The following SCD5 variants were observed in gnomAD, a reference collection of about 807,000 sequenced individuals.
The protein encoded by SCD5 is stearoyl-CoA desaturase 5, also known as acyl-CoA-desaturase 4.
In SCD5, 20 loss-of-function variants were observed where a neutral mutation model predicts 30.4. The observed-to-expected ratio is 0.66, with a 90% confidence interval of 0.46 to 0.96. The LOEUF is 0.96. Among genes scored for constraint, SCD5 ranks in the 40% least tolerant of loss-of-function variants. SCD5 has a pLI of 0.00. For synonymous variants in SCD5, 173 were observed against 176.4 expected (o/e 0.98, Z 0.16); for missense variants, 381 against 443.3 (o/e 0.86, Z 1.26).
In SCD5 at chr4:82,761,709, T is replaced by C. The variant is rs1051238044; in HGVS notation, c.232+36597A>G. Among the ~76,000 whole-genome samples the C allele has an allele frequency of 9.3e-5, 14 of 151,162 alleles. No individual in the cohort carries two copies. The East Asian group carries it at 2.1e-3, about 23-fold the overall frequency. ...CTCGTCATCTAGCATTAGGTATATC[T>C]CCCGATGCTATCCCTCCCCCCTCTC... On this transcript the variant is annotated intron_variant, in intron 1 of 4. Coordinates refer to ENST00000319540, the MANE Select transcript of SCD5 (RefSeq NM_001037582.3).
intron 1 of SCD5, among the ~76,000 whole-genome samples, chr4:82,720,005 T>C (rs945018240): frequency 6.6e-6 from 1 of 150,752 alleles, no homozygotes; most frequent in Non-Finnish European, 1.5e-5. Flanking sequence ...TTTCACCAGG[T>C]TGGCCAGGCT....
At chr4:82,650,205 A>T (rs947045571) in intron 3 of SCD5, among the ~76,000 whole-genome samples, 1 of 152,198 alleles carries the variant, frequency 6.6e-6, no homozygotes, top group African/African-American at 2.4e-5. Flanking sequence ...GTAAATAGAA[A>T]GATGAATAGG....
At chr4:82,727,165 T>C (rs1318674701) in intron 1 of SCD5, among the ~76,000 whole-genome samples, 1 of 152,202 alleles carries the variant, frequency 6.6e-6, no homozygotes, top group Non-Finnish European at 1.5e-5. Context: ...CAGGTTCAAA[T>C]GAAACCCTAA....
intron 1 of SCD5, among the ~76,000 whole-genome samples, chr4:82,754,495 A>G (rs1041607901): frequency 1.3e-4 from 20 of 151,514 alleles, no homozygotes; most frequent in Non-Finnish European, 2.7e-4. Flanking sequence ...AGGGAGAGGG[A>G]CTCCTTCCAG....
At chr4:82,635,870 G>A (rs998284597) in intron 4 of SCD5, among the ~76,000 whole-genome samples, 3 of 152,136 alleles carry the variant, frequency 2.0e-5, no homozygotes, top group African/African-American at 2.4e-5. Flanking sequence ...TCATGGTCCC[G>A]TGAAATGCCA....
intron 1 of SCD5, among the ~76,000 whole-genome samples, chr4:82,791,936 C>G (rs1722105977): frequency 6.6e-6 from 1 of 152,134 alleles, no homozygotes; most frequent in South Asian, 2.1e-4. Context: ...AATATTATAG[C>G]AAGGTCATGA....
chr4:82,667,192 G>C (rs1462652429), intron 3 of SCD5, among the ~76,000 whole-genome samples: 1 of 152,080 alleles, frequency 6.6e-6, no homozygotes. Flanking sequence ...CTTGCCAGGG[G>C]AATTTCTTGC....
intron 1 of SCD5, among the ~76,000 whole-genome samples, chr4:82,793,368 C>T (rs181086414): frequency 1.3e-5 from 2 of 151,918 alleles, no homozygotes; most frequent in African/African-American, 2.4e-5. Context: ...ATCCCAGCTA[C>T]AAAACAATGA....
intron 1 of SCD5, among the ~76,000 whole-genome samples, chr4:82,745,524 A>G (rs1313155605): frequency 6.6e-6 from 1 of 152,232 alleles, no homozygotes; most frequent in Non-Finnish European, 1.5e-5. Context: ...CCCGACTTTA[A>G]GTTCAGGGGT....
chr4:82,729,984 T>G (rs1241974155), intron 1 of SCD5, among the ~76,000 whole-genome samples: 1 of 152,046 alleles, frequency 6.6e-6, no homozygotes, highest in East Asian at 1.9e-4. Context: ...TTGTCATCTC[T>G]CTAAAACTTT....
intron 1 of SCD5, among the ~76,000 whole-genome samples, chr4:82,753,174 A>C (rs1721143810): frequency 6.6e-6 from 1 of 152,020 alleles, no homozygotes; most frequent in Non-Finnish European, 1.5e-5. Flanking sequence ...TTTGAGAGAC[A>C]TGTGTCTAGG....
intron 3 of SCD5, among the ~76,000 whole-genome samples, chr4:82,665,363 G>C (rs1048420953): frequency 6.7e-6 from 1 of 149,338 alleles, no homozygotes; most frequent in Non-Finnish European, 1.5e-5. Flanking sequence ...AGAGTCCCAA[G>C]AATACCTCTC....
intron 1 of SCD5, among the ~76,000 whole-genome samples, chr4:82,746,567 T>C (rs17006254): frequency 0.021 from 3,264 of 152,246 alleles, 115 homozygotes; most frequent in African/African-American, 0.073. Context: ...CAATTGATTA[T>C]TGCATTCCAT....
intron 4 of SCD5, among the ~76,000 whole-genome samples, chr4:82,633,083 C>T (rs1727354792): frequency 6.6e-6 from 1 of 152,104 alleles, no homozygotes. Context: ...TACAGTAGAC[C>T]TCTTGAACTT....
chr4:82,631,239 C>T lies in SCD5; in HGVS notation c.*88G>A. 8.5e-7 allele frequency: 1 copy of T among 1,175,530 alleles called. No individual in the cohort carries two copies. The highest frequency in any genetic ancestry group is 1.2e-6 in the Non-Finnish European group (1 of 849,386). The allele number at this position is 1,175,530 out of a possible 1,614,324, so 72.8% of individuals were successfully genotyped here. A position where few individuals can be genotyped will look rare whatever the true frequency, so the allele number is the denominator to read the frequency against. On this transcript the variant is annotated 3_prime_UTR_variant, in exon 5 of 5. Transcript: ENST00000319540. ...GTTCCTTCCCCACCCTCTGCCCCCT[C>T]CCACGATCCAATGTACAAGAGAGCT...
At chr4:82,733,714 G>A (rs1720690582) in intron 1 of SCD5, among the ~76,000 whole-genome samples, 1 of 152,154 alleles carries the variant, frequency 6.6e-6, no homozygotes, top group Admixed American at 6.5e-5. Context: ...TCTCGCCTCT[G>A]CTAGGGAAGC....
intron 1 of SCD5, among the ~76,000 whole-genome samples, chr4:82,762,322 G>A (rs1011706189): frequency 4.0e-5 from 6 of 151,460 alleles, no homozygotes. Flanking sequence ...GTGTGACCTT[G>A]GCTCACTGCA....
At chr4:82,690,965 G>A (rs1052738859) in intron 2 of SCD5, among the ~76,000 whole-genome samples, 31 of 152,254 alleles carry the variant, frequency 2.0e-4, no homozygotes, top group African/African-American at 7.5e-4. Context: ...GCCAATAAAG[G>A]AGCTGAACAA....
At chr4:82,782,395 G>GT (rs1721891459) in intron 1 of SCD5, among the ~76,000 whole-genome samples, 1 of 152,054 alleles carries the variant, frequency 6.6e-6, no homozygotes, top group African/African-American at 2.4e-5. Flanking sequence ...TGCTTGTCCG[G>GT]TTCTGGGGGT....
Sources: gnomAD v4.1 joint callset for allele counts (sites outside exome capture counted in the v4.1 genomes callset) on GRCh38, gnomAD v4.1.1 for gene constraint, MANE v1.5 for transcripts, NCBI Gene and HGNC (gene_info 2026-07-23, HGNC 2026-07-21) for gene names.